Variants in NFATC2 observed in about 807,000 individuals in gnomAD.
NFATC2 encodes the protein nuclear factor of activated T-cells, cytoplasmic 2.
In NFATC2, 22 loss-of-function variants were observed where a neutral mutation model predicts 87.3. The observed-to-expected ratio is 0.25, with a 90% confidence interval of 0.18 to 0.36. NFATC2 has a LOEUF of 0.36. Among genes scored for constraint, NFATC2 ranks in the 10% least tolerant of loss-of-function variants. The pLI is 1.00. For synonymous variants in NFATC2, 565 were observed against 542.2 expected, an observed-to-expected ratio of 1.04 and a Z score of -0.58; for missense variants, 1,149 against 1,259.1, an observed-to-expected ratio of 0.91 and a Z score of 1.32.
At chr20:51,507,254 C>T (rs961787549) in intron 3 of NFATC2, among the ~76,000 whole-genome samples, 17 of 152,260 alleles carry the variant, frequency 1.1e-4, no homozygotes, top group East Asian at 5.8e-4. Context: ...CACCCCTCGT[C>T]GAACAGGAAT....
intron 1 of NFATC2, among the ~76,000 whole-genome samples, chr20:51,558,446 G>A (rs1482878750): frequency 1.3e-5 from 2 of 151,766 alleles, no homozygotes; most frequent in Admixed American, 6.6e-5. Flanking sequence ...AAACGCATGA[G>A]AAAGTATTTA....
At chr20:51,436,150 C>T (rs968711183) in intron 6 of NFATC2, among the ~76,000 whole-genome samples, 4 of 152,162 alleles carry the variant, frequency 2.6e-5, no homozygotes, top group Admixed American at 6.5e-5. Flanking sequence ...GTACTATGCT[C>T]ACTGCCTGAC....
intron 9 of NFATC2, among the ~76,000 whole-genome samples, chr20:51,418,668 T>G (rs1980398928): frequency 6.8e-6 from 1 of 147,176 alleles, no homozygotes; most frequent in Admixed American, 6.7e-5. Flanking sequence ...GGTTTTTTTT[T>G]TTTTTTTTTT....
intron 3 of NFATC2, among the ~76,000 whole-genome samples, chr20:51,495,085 C>A (rs943015547): frequency 1.3e-5 from 2 of 152,088 alleles, no homozygotes; most frequent in Non-Finnish European, 2.9e-5. Flanking sequence ...AGACCCTAAA[C>A]CTCATTTTAT....
intron 5 of NFATC2, among the ~76,000 whole-genome samples, chr20:51,473,349 G>A (rs1988411439): frequency 6.6e-6 from 1 of 152,100 alleles, no homozygotes; most frequent in African/African-American, 2.4e-5. Flanking sequence ...ACAGGGTGGG[G>A]GACAGGGCAT....
At chr20:51,546,581 G>T (rs2076891396), upstream of NFATC2, among the ~76,000 whole-genome samples, 1 of 152,076 alleles carries the variant, frequency 6.6e-6, no homozygotes, top group Non-Finnish European at 1.5e-5. Context: ...TTTTTCCCCA[G>T]CCTCTCCAAC....
chr20:51,513,707 C>G (rs1217680210), intron 3 of NFATC2, among the ~76,000 whole-genome samples: 2 of 152,210 alleles, frequency 1.3e-5, no homozygotes, highest in Admixed American at 1.3e-4. Context: ...CAGGCCACAG[C>G]CTACTGGACC....
chr20:51,398,270 C>G (rs1987511682), intron 10 of NFATC2, among the ~76,000 whole-genome samples: 1 of 152,188 alleles, frequency 6.6e-6, no homozygotes, highest in Non-Finnish European at 1.5e-5. Flanking sequence ...TGCTGTTCCC[C>G]AGTGCCGGAC....
chr20:51,446,870 G>A (rs1245274276), intron 6 of NFATC2, among the ~76,000 whole-genome samples: 8 of 152,176 alleles, frequency 5.3e-5, no homozygotes, highest in African/African-American at 1.2e-4. Context: ...GCAAAGGTCC[G>A]GAGAGCCTTA....
rs116881461 is a variant in NFATC2 at position 51,415,109 on chromosome 20, G to A, written c.2723-16379C>T. On this transcript the variant is annotated intron_variant, in intron 9 of 10. Coordinates refer to ENST00000371564, the MANE Select transcript of NFATC2 (RefSeq NM_012340.5). ...CTACAAAAAATAACTAGCCAGGTGT[G>A]GTGGCACATGCTGGTAATCCCAGCT... Among the ~76,000 whole-genome samples, 6 of 152,064 alleles carry A rather than the reference G, an allele frequency of 3.9e-5. No homozygotes were observed. The East Asian group carries it at 1.2e-3, about 29-fold the overall frequency.
At chr20:51,398,925 G>A in intron 9 of NFATC2, 195 bp from the exon 10 acceptor site, 1 of 573,020 alleles carries the variant, frequency 1.7e-6, no homozygotes, top group East Asian at 2.9e-5. Flanking sequence ...AATAATCATG[G>A]AGATGAGGGA....
At chr20:51,504,582 A>G (rs1378427092) in intron 3 of NFATC2, among the ~76,000 whole-genome samples, 2 of 152,292 alleles carry the variant, frequency 1.3e-5, no homozygotes, top group South Asian at 2.1e-4. Context: ...TTCCTCAAAA[A>G]CCTATTGAAA....
At chr20:51,482,219 G>A (rs1281812447) in intron 3 of NFATC2, among the ~76,000 whole-genome samples, 4 of 151,266 alleles carry the variant, frequency 2.6e-5, no homozygotes, top group East Asian at 1.9e-4. Context: ...TGGCCTCCAC[G>A]TGTCAAAGAC....
At chr20:51,512,745 G>A (rs1161981299) in intron 3 of NFATC2, among the ~76,000 whole-genome samples, 2 of 152,202 alleles carry the variant, frequency 1.3e-5, no homozygotes, top group Non-Finnish European at 2.9e-5. Context: ...GTTCTATAGT[G>A]AGGCAAATAA....
chr20:51,510,579 C>G (rs1307079049), intron 3 of NFATC2, among the ~76,000 whole-genome samples: 1 of 152,170 alleles, frequency 6.6e-6, no homozygotes, highest in Non-Finnish European at 1.5e-5. Context: ...CTGAAAGAAC[C>G]CTAGACTTGT....
intron 3 of NFATC2, among the ~76,000 whole-genome samples, chr20:51,507,442 C>G (rs975982168): frequency 1.3e-5 from 2 of 152,180 alleles, no homozygotes; most frequent in African/African-American, 2.4e-5. Flanking sequence ...ATCTAAGGCT[C>G]GTAGAGCTCA....
chr20:51,494,341 G>C (rs1299773478), intron 3 of NFATC2, among the ~76,000 whole-genome samples: 1 of 151,700 alleles, frequency 6.6e-6, no homozygotes, highest in Non-Finnish European at 1.5e-5. Flanking sequence ...TTCCCTGGCT[G>C]GTGGCTTTTC....
At chr20:51,504,104 C>A (rs1163806227) in intron 3 of NFATC2, among the ~76,000 whole-genome samples, 1 of 152,140 alleles carries the variant, frequency 6.6e-6, no homozygotes, top group African/African-American at 2.4e-5. Flanking sequence ...CTCACTGCAA[C>A]CTCCGCCTCC....
rs376694540 is a variant in NFATC2, at chr20:51,408,511, T to TAAAAAAAA, written c.2723-9782_2723-9781insTTTTTTTT. ...CCTGGGGGACTGAGCAAGACTCTTT[T>TAAAAAAAA]TAAAAAAAAAAAAAAAAAAAGCCAG... is the stretch of plus-strand genomic sequence containing the variant. On this transcript the variant is annotated intron_variant, in intron 9 of 10. Coordinates refer to ENST00000371564, the MANE Select transcript of NFATC2 (RefSeq NM_012340.5). Among the ~76,000 whole-genome samples the TAAAAAAAA allele has an allele frequency of 3.2e-5, 4 of 125,346 alleles. 1 individual carries two copies. The highest frequency in any genetic ancestry group is 3.4e-5 in the African/African-American group (1 of 29,618). The allele number at this position is 125,346 out of a possible 152,430, so 82.2% of individuals were successfully genotyped here.
Sources: gnomAD v4.1 joint callset for allele counts (sites outside exome capture counted in the v4.1 genomes callset) on GRCh38, gnomAD v4.1.1 for gene constraint, MANE v1.5 for transcripts, NCBI Gene and HGNC (gene_info 2026-07-23, HGNC 2026-07-21) for gene names.